MED27: variants seen among roughly 807,000 people sequenced by gnomAD.
The protein encoded by MED27 is mediator complex subunit 27.
A neutral mutation model predicts 38.2 loss-of-function variants in MED27; 30 were observed. The observed-to-expected ratio is 0.79, with a 90% CI of 0.59 to 1.07. The LOEUF (loss-of-function observed/expected upper bound fraction) is 1.07, where lower values mean the gene tolerates loss of function less well. Ranked by LOEUF, MED27 falls within the 50% of genes least tolerant of loss-of-function variation. MED27 has a pLI of 0.00. For synonymous variants in MED27, 122 were observed against 153.5 expected, an observed-to-expected ratio of 0.79 and a Z score of 1.52; for missense variants, 289 against 397.5, an observed-to-expected ratio of 0.73 and a Z score of 2.32.
At chr9:132,016,301 C>T (rs4402000) in intron 2 of MED27, among the ~76,000 whole-genome samples, 86,467 of 152,068 alleles carry the variant, frequency 0.57, 26,577 homozygotes, top group Non-Finnish European at 0.68. Context: ...TTGGAGCATC[C>T]GTACTGCTTT....
chr9:131,999,487 C>A (rs1490745819), intron 3 of MED27, among the ~76,000 whole-genome samples: 1 of 152,136 alleles, frequency 6.6e-6, no homozygotes, highest in East Asian at 1.9e-4. Flanking sequence ...CTGGCATTGA[C>A]CCCAGAAGAA....
In MED27 at chr9:131,914,652, G is replaced by C. The variant is rs561277991; in HGVS notation, c.574-20660C>G. Among the ~76,000 whole-genome samples the C allele has an allele frequency of 2.0e-5, 3 of 152,326 alleles. No homozygotes were observed. The East Asian group carries it at 5.8e-4, about 29-fold the overall frequency. The stretch of plus-strand genomic sequence containing the variant: ...GAGATGGGTCACGTAGGGGCTTAGA[G>C]ATCATGGTAAGGATGTCTCTTGGTG... On this transcript the variant is annotated intron_variant, in intron 4 of 7. Coordinates refer to ENST00000292035, the MANE Select transcript of MED27 (RefSeq NM_004269.4).
intron 6 of MED27, among the ~76,000 whole-genome samples, chr9:131,870,650 C>G (rs1406746488): frequency 6.6e-6 from 1 of 152,104 alleles, no homozygotes; most frequent in East Asian, 1.9e-4. Flanking sequence ...TTGGGGTGGA[C>G]AGGGGTTGTG....
intron 4 of MED27, among the ~76,000 whole-genome samples, chr9:131,931,756 A>T (rs1830591886): frequency 6.6e-6 from 1 of 152,230 alleles, no homozygotes; most frequent in Admixed American, 6.5e-5. Flanking sequence ...AAAAAGAGAC[A>T]AAGAAGGTCA....
rs560937452 is a variant in MED27, at chr9:131,902,308, C to T, written c.574-8316G>A. Among the ~76,000 whole-genome samples the T allele has an allele frequency of 3.9e-5, 6 of 152,284 alleles. No individual in the cohort carries two copies. In the East Asian group the frequency reaches 1.2e-3, roughly 29 times the overall value. On this transcript the variant is annotated intron_variant, in intron 4 of 7. Coordinates refer to ENST00000292035, the MANE Select transcript of MED27 (RefSeq NM_004269.4). ...CTGGGCGGAACTGTCCTCTTAACAG[C>T]AGGCTCGAGAGCTGCGGCAGCAAGG...
chr9:131,949,545 T>C (rs960719074), intron 3 of MED27, among the ~76,000 whole-genome samples: 3 of 152,214 alleles, frequency 2.0e-5, no homozygotes, highest in Admixed American at 1.3e-4. Context: ...TAGGGCTTTC[T>C]TACACACCGC....
intron 3 of MED27, among the ~76,000 whole-genome samples, chr9:131,962,959 G>A (rs746820304): frequency 2.6e-5 from 4 of 152,074 alleles, no homozygotes; most frequent in Non-Finnish European, 2.9e-5. Context: ...AGATGTGGAC[G>A]ACATTTCAGC....
intron 6 of MED27, among the ~76,000 whole-genome samples, chr9:131,882,160 G>A (rs1422329326): frequency 6.6e-6 from 1 of 152,138 alleles, no homozygotes; most frequent in Non-Finnish European, 1.5e-5. Context: ...CCCTAAATGT[G>A]TGGTTTTCAG....
intron 3 of MED27, among the ~76,000 whole-genome samples, chr9:131,980,017 C>T (rs1216181254): frequency 2.0e-5 from 3 of 152,086 alleles, no homozygotes; most frequent in African/African-American, 7.2e-5. Context: ...CTTTAAATGG[C>T]TTTTGGTCTA....
chr9:132,013,354 G>C (rs1377355155), intron 3 of MED27, among the ~76,000 whole-genome samples: 1 of 152,204 alleles, frequency 6.6e-6, no homozygotes, highest in African/African-American at 2.4e-5. Flanking sequence ...TTTAAATGAA[G>C]TTCAAAGACA....
chr9:131,993,487 G>A (rs1348998095), intron 3 of MED27, among the ~76,000 whole-genome samples: 2 of 152,160 alleles, frequency 1.3e-5, no homozygotes, highest in South Asian at 2.1e-4. Flanking sequence ...GTCAGCTCAC[G>A]CAGAGTCAGC....
intron 3 of MED27, among the ~76,000 whole-genome samples, chr9:131,999,413 G>A (rs1054241783): frequency 3.9e-5 from 6 of 152,150 alleles, no homozygotes; most frequent in Non-Finnish European, 8.8e-5. Context: ...TCTTGGTGTG[G>A]TTACCGAAGG....
intron 3 of MED27, among the ~76,000 whole-genome samples, chr9:131,954,110 T>C (rs562775390): frequency 6.6e-6 from 1 of 152,306 alleles, no homozygotes; most frequent in Admixed American, 6.5e-5. Context: ...AGCCTTTTTA[T>C]CTTTTTAAAA....
At chr9:131,995,369 T>C (rs1478672881) in intron 3 of MED27, among the ~76,000 whole-genome samples, 1 of 151,952 alleles carries the variant, frequency 6.6e-6, no homozygotes, top group Non-Finnish European at 1.5e-5. Flanking sequence ...AGCATGGACT[T>C]GCACTTATTA....
intron 2 of MED27, among the ~76,000 whole-genome samples, chr9:132,017,684 T>G (rs925153281): frequency 6.6e-6 from 1 of 152,224 alleles, no homozygotes; most frequent in Non-Finnish European, 1.5e-5. Context: ...ATTTCCGTGT[T>G]GCAGTGTTCT....
At chr9:131,884,371 G>C (rs928462296) in intron 5 of MED27, among the ~76,000 whole-genome samples, 1 of 152,160 alleles carries the variant, frequency 6.6e-6, no homozygotes, top group Admixed American at 6.5e-5. Flanking sequence ...TGAGCCCCTG[G>C]CTCACTTTCA....
intron 6 of MED27, among the ~76,000 whole-genome samples, chr9:131,863,416 G>A (rs1251289707): frequency 6.6e-6 from 1 of 152,226 alleles, no homozygotes; most frequent in African/African-American, 2.4e-5. Flanking sequence ...TGGAGCACTG[G>A]CAGAGGGAGC....
intron 6 of MED27, among the ~76,000 whole-genome samples, chr9:131,881,797 C>CTTTTTT (rs1564266792): frequency 1.9e-5 from 1 of 53,774 alleles, no homozygotes; most frequent in African/African-American, 5.2e-5. Flanking sequence ...CCTTCTTCTT[C>CTTTTTT]TTCTTTTTTT....
chr9:131,929,083 C>T (rs1190089514), intron 4 of MED27, among the ~76,000 whole-genome samples: 1 of 152,202 alleles, frequency 6.6e-6, no homozygotes, highest in Non-Finnish European at 1.5e-5. Flanking sequence ...ATTCTAGGCC[C>T]TAGCTCCCAA....
Sources: gnomAD v4.1 joint callset for allele counts (sites outside exome capture counted in the v4.1 genomes callset) on GRCh38, gnomAD v4.1.1 for gene constraint, MANE v1.5 for transcripts, NCBI Gene and HGNC (gene_info 2026-07-23, HGNC 2026-07-21) for gene names.